CSMD1: variants seen among roughly 807,000 people sequenced by gnomAD.
The protein encoded by CSMD1 is CUB and sushi domain-containing protein 1.
Under a neutral mutation model 417.5 loss-of-function variants are expected in CSMD1, and 213 were observed. That is an observed-to-expected ratio of 0.51 (90% CI 0.46 to 0.57). CSMD1 has a LOEUF of 0.57. CSMD1 is among the 20% of genes least tolerant of loss of function. CSMD1 has a pLI of 0.00. For missense variants in CSMD1, 6,923 were observed against 4,529.7 expected (o/e 1.53, Z -15.17); for synonymous variants, 2,862 against 1,736.8 (o/e 1.65, Z -16.11).
In CSMD1 at chr8:3,986,312, T is replaced by A. The variant is rs114762051; in HGVS notation, c.818+11591A>T. Among the ~76,000 whole-genome samples, 1,016 of 152,226 alleles carry A rather than the reference T, an allele frequency of 6.7e-3. 5 individuals are homozygous for A. Among genetic ancestry groups the A allele is most frequent in the Middle Eastern group, 0.017 (5 of 294 alleles). On this transcript the variant is annotated intron_variant, in intron 5 of 69. Transcript: ENST00000635120. Reference sequence around the variant, plus strand: ...CTTCCCTATGTTTCTAAAAGCTCAGTGAAAACCCTTCTAGGGTGTTCATTG... The same window carrying A: ...CTTCCCTATGTTTCTAAAAGCTCAGAGAAAACCCTTCTAGGGTGTTCATTG...
chr8:4,794,328 C>A (rs775958213), intron 1 of CSMD1, among the ~76,000 whole-genome samples: 1 of 152,146 alleles, frequency 6.6e-6, no homozygotes, highest in Non-Finnish European at 1.5e-5. Context: ...CTCTGCATTT[C>A]CTTAGAAATG....
intron 5 of CSMD1, among the ~76,000 whole-genome samples, chr8:3,902,136 A>C (rs1807797678): frequency 6.6e-6 from 1 of 152,206 alleles, no homozygotes; most frequent in African/African-American, 2.4e-5. Flanking sequence ...CAGAAGTAAC[A>C]CAACAATCTT....
At chr8:3,746,201 G>C (rs1343054086) in intron 6 of CSMD1, among the ~76,000 whole-genome samples, 1 of 152,240 alleles carries the variant, frequency 6.6e-6, no homozygotes, top group Non-Finnish European at 1.5e-5. Context: ...GTTTAGGACT[G>C]ATATGCTGAA....
chr8:4,029,985 T>C (rs1797258673), intron 4 of CSMD1, among the ~76,000 whole-genome samples: 1 of 152,168 alleles, frequency 6.6e-6, no homozygotes, highest in Non-Finnish European at 1.5e-5. Flanking sequence ...TCCTTTGACT[T>C]TGTGTCTCAC....
Position 3,155,589 on chromosome 8 carries a change from G to A in CSMD1, c.5914+2308C>T, listed in dbSNP as rs181631527. On this transcript the variant is annotated intron_variant, in intron 39 of 69. Coordinates refer to ENST00000635120, the MANE Select transcript of CSMD1 (RefSeq NM_033225.6). ...TTACCGTGTTAGCCAGGATGGTCTC[G>A]ATCTCCTGACTTCGTGATCCACTCG... is the stretch of plus-strand genomic sequence containing the variant. Among the ~76,000 whole-genome samples, 25 of 151,404 alleles carry A rather than the reference G, an allele frequency of 1.7e-4. No individual in the cohort carries two copies. The South Asian group carries it at 2.3e-3, about 14-fold the overall frequency.
intron 5 of CSMD1, among the ~76,000 whole-genome samples, chr8:3,797,147 AAC>A (rs1800198760): frequency 6.6e-6 from 1 of 151,976 alleles, no homozygotes; most frequent in Admixed American, 6.6e-5. Context: ...AAATACAGTC[AAC>A]ATAATAATTG....
intron 3 of CSMD1, among the ~76,000 whole-genome samples, chr8:4,225,071 C>T (rs536703898): frequency 1.8e-4 from 28 of 152,296 alleles, no homozygotes; most frequent in Middle Eastern, 3.4e-3. Flanking sequence ...GACATCACAC[C>T]ACTGCACTCC....
At chr8:3,656,489 T>A (rs1183457625) in intron 7 of CSMD1, among the ~76,000 whole-genome samples, 1 of 152,146 alleles carries the variant, frequency 6.6e-6, no homozygotes, top group Non-Finnish European at 1.5e-5. Flanking sequence ...TCTGAAGCAT[T>A]CATTATGCAA....
chr8:4,665,572 G>A (rs1195206931), intron 1 of CSMD1, among the ~76,000 whole-genome samples: 1 of 152,134 alleles, frequency 6.6e-6, no homozygotes, highest in Non-Finnish European at 1.5e-5. Flanking sequence ...CATCTCTGTA[G>A]CTTTGCCTTT....
chr8:4,330,831 G>C lies in CSMD1; in HGVS notation c.415+89122C>G, dbSNP rs1232456370. Among the ~76,000 whole-genome samples, 4 of 152,032 alleles carry C rather than the reference G, an allele frequency of 2.6e-5. No individual in the cohort carries two copies. In the South Asian group the frequency reaches 8.3e-4, roughly 32 times the overall value. On this transcript the variant is annotated intron_variant, in intron 3 of 69. Transcript: ENST00000635120. ...AGCACTGTTCATTCTTGCACATGCA[G>C]CTCATATCCCACCTTCCCAGATTCT... is the stretch of plus-strand genomic sequence containing the variant.
chr8:4,788,594 A>ATG, intron 1 of CSMD1: 1 of 1,160,118 alleles, frequency 8.6e-7, no homozygotes, highest in Admixed American at 2.4e-5. Context: ...ATAAGAAACA[A>ATG]TGCCATTGAA....
intron 3 of CSMD1, among the ~76,000 whole-genome samples, chr8:4,100,619 T>A (rs189911661): frequency 2.6e-5 from 4 of 152,034 alleles, no homozygotes; most frequent in Non-Finnish European, 4.4e-5. Flanking sequence ...GTTTCCACCG[T>A]GATAATGGGG....
At chr8:3,579,929 C>G (rs150536182) in intron 9 of CSMD1, among the ~76,000 whole-genome samples, 5,805 of 152,020 alleles carry the variant, frequency 0.038, 310 homozygotes, top group East Asian at 0.14. Flanking sequence ...CATGGTGAAA[C>G]CCTGTCTCTA....
chr8:3,284,169 C>G lies in CSMD1; in HGVS notation c.4128G>C (p.Lys1376Asn), dbSNP rs1802960827. 7.0e-6 allele frequency: 11 copies of G among 1,578,640 alleles called. No homozygotes were observed. Among genetic ancestry groups the G allele is most frequent in the South Asian group, 1.2e-5 (1 of 86,590 alleles). ...LQFDSDFFISKSGFSIQFSTS... is the reference protein window; with the variant it reads ...LQFDSDFFISNSGFSIQFSTS... ...TGGAGAACTGGATGGAGAAGCCAGA[C>G]TTGCTGATGAAGAAGTCGCTGTCGA... is the stretch of plus-strand genomic sequence containing the variant. The change falls in exon 26 of 70, where the codon AAG becomes AAC. Residue 1376 changes from lysine (K) to asparagine (N), a missense_variant. Physicochemically the swap from Lys to Asn is moderately conservative, Grantham distance 94 (BLOSUM62 0). Transcript: ENST00000635120.
At chr8:3,985,977 C>G (rs1563286454) in intron 5 of CSMD1, among the ~76,000 whole-genome samples, 1 of 151,878 alleles carries the variant, frequency 6.6e-6, no homozygotes, top group Non-Finnish European at 1.5e-5. Context: ...TGGCTGTCCT[C>G]TGACTCCCAT....
chr8:3,119,396 A>C (rs79648312), intron 41 of CSMD1, among the ~76,000 whole-genome samples: 1 of 129,928 alleles, frequency 7.7e-6, no homozygotes, highest in South Asian at 3.3e-4. Context: ...AAAAAAAAAA[A>C]AAAAAAAAAA....
At chr8:3,984,153 T>G (rs1300142776) in intron 5 of CSMD1, among the ~76,000 whole-genome samples, 1 of 152,146 alleles carries the variant, frequency 6.6e-6, no homozygotes, top group African/African-American at 2.4e-5. Context: ...ATTGCAGCTC[T>G]AGAGCACATC....
Position 3,281,314 on chromosome 8 carries a change from C to T in CSMD1, c.4153+2830G>A, listed in dbSNP as rs367957426. ...AAAAAAATAGCCAGGTGTGTTGGTGCGTGCTTGTAATCCCAGCTACTCGGG... is the reference window on the plus strand; with the variant it reads ...AAAAAAATAGCCAGGTGTGTTGGTGTGTGCTTGTAATCCCAGCTACTCGGG... On this transcript the variant is annotated intron_variant, in intron 26 of 69. Coordinates refer to ENST00000635120, the MANE Select transcript of CSMD1 (RefSeq NM_033225.6). 5.3e-5 allele frequency among the ~76,000 whole-genome samples: 8 copies of T among 152,032 alleles called. No individual in the cohort carries two copies. In the East Asian group the frequency reaches 1.4e-3, roughly 26 times the overall value.
intron 10 of CSMD1, among the ~76,000 whole-genome samples, chr8:3,561,449 T>TAAAAAC: frequency 6.6e-6 from 1 of 152,240 alleles, no homozygotes; most frequent in South Asian, 2.1e-4. Context: ...TACCACACAA[T>TAAAAAC]CATAAAATGA....
Sources: gnomAD v4.1 joint callset for allele counts (sites outside exome capture counted in the v4.1 genomes callset) on GRCh38, gnomAD v4.1.1 for gene constraint, MANE v1.5 for transcripts, NCBI Gene and HGNC (gene_info 2026-07-23, HGNC 2026-07-21) for gene names.